Variants in NR2F1-AS1 observed in about 807,000 individuals in gnomAD.
NR2F1-AS1 encodes the protein NR2F1 regulatory antisense RNA 1, also known as NR2F1 antisense RNA 1.
chr5:93,530,077 T>TC (rs1751703662), intron 4 of NR2F1-AS1, among the ~76,000 whole-genome samples: 1 of 114,434 alleles, frequency 8.7e-6, no homozygotes, highest in Non-Finnish European at 1.9e-5. Flanking sequence ...TTTGAAGGCT[T>TC]TTTTTTTTTT....
At position 93,579,614 on chromosome 5, in the gene NR2F1-AS1, C is replaced by CCCAGCATCGGCTG. The variant is rs1752972659; in HGVS notation, n.313+840_313+852dup. ...GACCCCCCAGCCCCCGGGTGCAGTC[C>CCCAGCATCGGCTG]CCAGCATCGGCTGCCCCCGCCCCCC... On this transcript the variant is annotated intron_variant and non_coding_transcript_variant, in intron 1 of 5. Transcript: ENST00000660523. The surrounding 1 kb of genome is among the most constrained non-coding windows in gnomAD (Gnocchi z 5.1). Among the ~76,000 whole-genome samples the CCCAGCATCGGCTG allele has an allele frequency of 6.6e-6, 1 of 151,922 alleles. No individual in the cohort carries two copies. The highest frequency in any genetic ancestry group is 2.4e-5 in the African/African-American group (1 of 41,362).
chr5:93,492,467 T>TA (rs1163630052), intron 4 of NR2F1-AS1, among the ~76,000 whole-genome samples: 1 of 152,086 alleles, frequency 6.6e-6, no homozygotes, highest in Non-Finnish European at 1.5e-5. Context: ...TACCAAACAC[T>TA]AAAATAAGAA....
intron 4 of NR2F1-AS1, among the ~76,000 whole-genome samples, chr5:93,477,493 C>T (rs1750510253): frequency 6.6e-6 from 1 of 152,104 alleles, no homozygotes; most frequent in Non-Finnish European, 1.5e-5. Context: ...CCCCTTTCTG[C>T]AGTTTAGAAT....
intron 4 of NR2F1-AS1, among the ~76,000 whole-genome samples, chr5:93,432,108 T>G (rs1749338207): frequency 6.6e-6 from 1 of 152,176 alleles, no homozygotes; most frequent in South Asian, 2.1e-4. Flanking sequence ...CACATCTTAT[T>G]TATTATTATT....
At chr5:93,533,322 T>A (rs1261281940) in intron 4 of NR2F1-AS1, among the ~76,000 whole-genome samples, 1 of 152,174 alleles carries the variant, frequency 6.6e-6, no homozygotes, top group East Asian at 1.9e-4. Flanking sequence ...AATGGATTTA[T>A]TTTCACGAGT....
chr5:93,515,665 A>G (rs1009030781), intron 4 of NR2F1-AS1, among the ~76,000 whole-genome samples: 1 of 147,662 alleles, frequency 6.8e-6, no homozygotes, highest in African/African-American at 2.4e-5. Context: ...TCGATGGATA[A>G]TATTAACAAT....
exon 1 of NR2F1-AS1, chr5:93,580,612 G>A: frequency 6.5e-6 from 1 of 153,210 alleles, no homozygotes; most frequent in Non-Finnish European, 1.5e-5. Context: ...CACTCCCTTC[G>A]TCTCTCTCCG....
intron 4 of NR2F1-AS1, among the ~76,000 whole-genome samples, chr5:93,488,163 A>G (rs938673991): frequency 5.9e-5 from 9 of 152,264 alleles, no homozygotes; most frequent in African/African-American, 2.2e-4. Context: ...ATGCAATATC[A>G]TTCAGGACAT....
intron 4 of NR2F1-AS1, among the ~76,000 whole-genome samples, chr5:93,487,840 A>C (rs967722107): frequency 5.3e-5 from 8 of 152,190 alleles, no homozygotes; most frequent in Non-Finnish European, 1.0e-4. Context: ...CTGACTTCAA[A>C]CTATACTACA....
chr5:93,480,486 A>T (rs570105907), intron 4 of NR2F1-AS1, among the ~76,000 whole-genome samples: 10 of 152,300 alleles, frequency 6.6e-5, no homozygotes, highest in African/African-American at 2.4e-4. Flanking sequence ...TTGCTCTACA[A>T]GAAATGTTAA....
intron 4 of NR2F1-AS1, among the ~76,000 whole-genome samples, chr5:93,428,716 A>G (rs1561431925): frequency 6.6e-6 from 1 of 152,188 alleles, no homozygotes; most frequent in Non-Finnish European, 1.5e-5. Context: ...AATGCTTGTG[A>G]TTGTACAGGT....
intron 4 of NR2F1-AS1, among the ~76,000 whole-genome samples, chr5:93,448,267 A>G (rs1318359497): frequency 6.6e-6 from 1 of 152,000 alleles, no homozygotes; most frequent in Non-Finnish European, 1.5e-5. Context: ...ACACAATCTC[A>G]TGTTAAACAA....
At chr5:93,531,273 T>C (rs924051239) in intron 4 of NR2F1-AS1, among the ~76,000 whole-genome samples, 1 of 151,142 alleles carries the variant, frequency 6.6e-6, no homozygotes. Flanking sequence ...AGATCACCTA[T>C]GAAGTAAGAT....
At chr5:93,422,108 G>A (rs939902655) in intron 4 of NR2F1-AS1, 3 of 152,212 alleles carry the variant, frequency 2.0e-5, no homozygotes, top group Non-Finnish European at 4.4e-5. Context: ...CATCTGACGA[G>A]GCGAATCAAG....
chr5:93,472,643 G>A (rs1750392227), intron 4 of NR2F1-AS1, among the ~76,000 whole-genome samples: 1 of 151,602 alleles, frequency 6.6e-6, no homozygotes, highest in Non-Finnish European at 1.5e-5. Flanking sequence ...TGGGGGTGAA[G>A]AGATATTCAC....
chr5:93,581,662 GTCTCGGTCTCTCTCTCTCTCTC>G (rs1753038243), upstream of NR2F1-AS1, among the ~76,000 whole-genome samples: 5 of 91,804 alleles, frequency 5.4e-5, no homozygotes, highest in Admixed American at 1.3e-4. Flanking sequence ...AGGAATCGGG[GTCTCGGTCTCTCTCTCTCTCTC>G]TCTCTCTCTC....
At position 93,426,325 on chromosome 5, in the gene NR2F1-AS1, G is replaced by A. The variant is rs141912276; in HGVS notation, n.639-30783C>T. On this transcript the variant is annotated intron_variant and non_coding_transcript_variant, in intron 4 of 5. Coordinates refer to ENST00000660523, the Ensembl canonical transcript of NR2F1-AS1. ...GACCTCCCAAAGTGCTGGAATTACA[G>A]GCATCAGCCACCATGCCCGGCCCAC... Among the ~76,000 whole-genome samples the A allele has an allele frequency of 1.0e-2, 1,519 of 152,258 alleles. 28 individuals carry two copies. The highest frequency in any genetic ancestry group is 0.035 in the African/African-American group (1,462 of 41,544).
In NR2F1-AS1 at chr5:93,535,733, A is replaced by G. The variant is rs373594021; in HGVS notation, n.638+18028T>C. 2.2e-4 allele frequency among the ~76,000 whole-genome samples: 33 copies of G among 152,270 alleles called. No homozygotes were observed. In the East Asian group the frequency reaches 5.6e-3, roughly 26 times the overall value. On this transcript the variant is annotated intron_variant and non_coding_transcript_variant, in intron 4 of 5. Coordinates refer to ENST00000660523, the Ensembl canonical transcript of NR2F1-AS1. ...CACATTAACAGAAAGACAGACAAAA[A>G]CTATAAAATCTTTTCAATAGATGCA...
At chr5:93,464,945 C>A (rs916819832) in intron 4 of NR2F1-AS1, among the ~76,000 whole-genome samples, 1 of 152,190 alleles carries the variant, frequency 6.6e-6, no homozygotes, top group Non-Finnish European at 1.5e-5. Flanking sequence ...TATCATCTAG[C>A]GCAAGCTGTT....
Sources: allele counts gnomAD v4.1 joint callset (sites outside exome capture counted in the v4.1 genomes callset), GRCh38; gene constraint gnomAD v4.1.1; non-coding constraint Gnocchi (gnomAD v3.1); transcripts MANE v1.5; gene names NCBI Gene and HGNC (gene_info 2026-07-23, HGNC 2026-07-21).